DSCAML1: variants seen among roughly 807,000 people sequenced by gnomAD.
DSCAML1 encodes cell adhesion molecule DSCAML1.
A neutral mutation model predicts 200.5 loss-of-function variants in DSCAML1; 38 were observed. The ratio of observed to expected loss-of-function variants is 0.19; its 90% confidence interval spans 0.15 to 0.25. DSCAML1 has a LOEUF of 0.25. Among genes scored for constraint, DSCAML1 ranks in the 10% least tolerant of loss-of-function variants. DSCAML1 has a pLI of 1.00. For synonymous variants in DSCAML1, 1,215 were observed against 1,165.0 expected (o/e 1.04, Z -0.87); for missense variants, 2,223 against 2,858.8 (o/e 0.78, Z 5.07).
chr11:117,633,340 C>G (rs2052213306), intron 3 of DSCAML1, among the ~76,000 whole-genome samples: 1 of 152,192 alleles, frequency 6.6e-6, no homozygotes, highest in African/African-American at 2.4e-5. Flanking sequence ...GAAAGAGATT[C>G]CTCCTCCCAA....
chr11:117,807,601 G>A (rs892453074), intron 1 of DSCAML1, among the ~76,000 whole-genome samples: 2 of 152,204 alleles, frequency 1.3e-5, no homozygotes, highest in African/African-American at 4.8e-5. Flanking sequence ...TGTCTAAGGA[G>A]ATGGGCAAGT....
At chr11:117,610,902 TC>T (rs1440280737) in intron 3 of DSCAML1, among the ~76,000 whole-genome samples, 1 of 139,560 alleles carries the variant, frequency 7.2e-6, no homozygotes, top group African/African-American at 2.6e-5. Flanking sequence ...GTTACTTCCA[TC>T]CCTGTAGGGT....
Position 117,428,240 on chromosome 11 carries a change from G to C in DSCAML1, c.*88C>G. ...GTTGGTTGGTTTTTGTCTGTCAGTT[G>C]AATATAAATAATGCAGAAAAACAGC... On this transcript the variant is annotated 3_prime_UTR_variant, in exon 33 of 33. Transcript: ENST00000651296. The C allele has an allele frequency of 1.3e-6, 1 of 792,616 alleles. No homozygotes were observed. The highest frequency in any genetic ancestry group is 2.6e-5 in the East Asian group (1 of 38,520). 49.1% of individuals were successfully genotyped at this position (792,616 alleles called of 1,614,324 possible).
chr11:117,522,822 C>T (rs2049907091), intron 5 of DSCAML1, among the ~76,000 whole-genome samples: 1 of 152,178 alleles, frequency 6.6e-6, no homozygotes, highest in South Asian at 2.1e-4. Flanking sequence ...GAAAGCATTG[C>T]TTTCCTCTCC....
At chr11:117,815,135 G>T (rs2055793992) in intron 1 of DSCAML1, among the ~76,000 whole-genome samples, 1 of 152,214 alleles carries the variant, frequency 6.6e-6, no homozygotes, top group South Asian at 2.1e-4. Flanking sequence ...CCGGGAGGAA[G>T]CCAAGTGTGT....
At chr11:117,500,410 A>T (rs1350059705) in intron 11 of DSCAML1, among the ~76,000 whole-genome samples, 2 of 152,350 alleles carry the variant, frequency 1.3e-5, no homozygotes, top group Admixed American at 1.3e-4. Flanking sequence ...GGTTTCTAGC[A>T]CCTAAAACTA....
At chr11:117,684,487 G>T (rs2053371633) in intron 3 of DSCAML1, among the ~76,000 whole-genome samples, 1 of 151,232 alleles carries the variant, frequency 6.6e-6, no homozygotes, top group African/African-American at 2.4e-5. Context: ...GGGTGTGTGG[G>T]GTGAAGACGC....
intron 3 of DSCAML1, among the ~76,000 whole-genome samples, chr11:117,712,722 T>G (rs2053872142): frequency 6.6e-6 from 1 of 152,024 alleles, no homozygotes; most frequent in Non-Finnish European, 1.5e-5. Flanking sequence ...TCAATCACGC[T>G]CAATCACTCT....
chr11:117,621,465 C>T (rs545595285), intron 3 of DSCAML1, among the ~76,000 whole-genome samples: 2 of 152,230 alleles, frequency 1.3e-5, no homozygotes, highest in Non-Finnish European at 2.9e-5. Flanking sequence ...CTCTATCAGA[C>T]ATGGAACATT....
intron 21 of DSCAML1, 82 bp downstream of exon 21, chr11:117,443,804 G>C: frequency 6.7e-7 from 1 of 1,502,006 alleles, no homozygotes; most frequent in South Asian, 1.3e-5. Flanking sequence ...AGCAGGCAGA[G>C]ACCCTGTCTG....
At chr11:117,746,495 T>G (rs370851543) in intron 3 of DSCAML1, among the ~76,000 whole-genome samples, 6 of 152,020 alleles carry the variant, frequency 3.9e-5, no homozygotes, top group East Asian at 3.9e-4. Flanking sequence ...AGAAGTCCAG[T>G]GGTACCTGGG....
At chr11:117,757,219 C>T (rs1039781194) in intron 3 of DSCAML1, among the ~76,000 whole-genome samples, 2 of 152,150 alleles carry the variant, frequency 1.3e-5, no homozygotes, top group Non-Finnish European at 2.9e-5. Flanking sequence ...TTTTGGTGTT[C>T]AAAACTACTT....
intron 8 of DSCAML1, among the ~76,000 whole-genome samples, chr11:117,506,449 C>T (rs902705885): frequency 1.3e-5 from 2 of 152,026 alleles, no homozygotes; most frequent in African/African-American, 4.8e-5. Context: ...GGATTTGAAA[C>T]CCATGGTCTG....
chr11:117,794,096 C>T (rs145379006), intron 1 of DSCAML1, among the ~76,000 whole-genome samples: 9 of 144,694 alleles, frequency 6.2e-5, no homozygotes, highest in East Asian at 2.3e-4. Flanking sequence ...AATGCCCTGA[C>T]GAAGGCTTTT....
chr11:117,716,227 A>G (rs948773), intron 3 of DSCAML1, among the ~76,000 whole-genome samples: 143,588 of 152,294 alleles, frequency 0.94, 68,006 homozygotes, highest in South Asian at 0.99. Flanking sequence ...TTTTATGATA[A>G]AGTGAAAGGA....
intron 19 of DSCAML1, among the ~76,000 whole-genome samples, chr11:117,455,284 T>C (rs184479706): frequency 6.6e-6 from 1 of 152,338 alleles, no homozygotes; most frequent in East Asian, 1.9e-4. Context: ...GCTGCCCTAG[T>C]ACATAACTTC....
At chr11:117,807,594 C>G (rs2055717583) in intron 1 of DSCAML1, among the ~76,000 whole-genome samples, 1 of 152,178 alleles carries the variant, frequency 6.6e-6, no homozygotes, top group Admixed American at 6.5e-5. Context: ...CTGTGAATGT[C>G]TAAGGAGATG....
intron 3 of DSCAML1, among the ~76,000 whole-genome samples, chr11:117,733,809 G>C (rs534162143): frequency 1.6e-4 from 24 of 151,692 alleles, no homozygotes; most frequent in African/African-American, 5.8e-4. Context: ...GGACTGTCTG[G>C]AGAAGTCATC....
At chr11:117,513,262 G>T (rs1196469212) in intron 8 of DSCAML1, among the ~76,000 whole-genome samples, 1 of 152,108 alleles carries the variant, frequency 6.6e-6, no homozygotes, top group Non-Finnish European at 1.5e-5. Flanking sequence ...GCTGGGGGTT[G>T]TTAGGTCCCT....
Sources: gnomAD v4.1 joint callset for allele counts (sites outside exome capture counted in the v4.1 genomes callset) on GRCh38, gnomAD v4.1.1 for gene constraint, MANE v1.5 for transcripts, NCBI Gene and HGNC (gene_info 2026-07-23, HGNC 2026-07-21) for gene names.